The following ASMTL variants were observed in gnomAD, a reference collection of about 807,000 sequenced individuals.
ASMTL encodes the protein acetylserotonin O-methyltransferase like.
A neutral mutation model predicts 60.3 loss-of-function variants in ASMTL; 57 were observed. The ratio of observed to expected loss-of-function variants is 0.95; its 90% CI spans 0.76 to 1.18. The LOEUF is 1.18. Among genes scored for constraint, ASMTL ranks in the 50% most tolerant of loss-of-function variants. The pLI is 0.00. For missense variants in ASMTL, 981 were observed against 852.6 expected (o/e 1.15, Z -1.88); for synonymous variants, 419 against 373.0 (o/e 1.12, Z -1.42).
At chrX:1,418,412 CTG>C (rs1211857794) in intron 10 of ASMTL, among the ~76,000 whole-genome samples, 3 of 151,420 alleles carry the variant, frequency 2.0e-5, no homozygotes, top group East Asian at 3.9e-4. Context: ...AGCAGCCACT[CTG>C]GGCCACGTGT....
At chrX:1,417,896 C>T in intron 11 of ASMTL, 77 bp downstream of exon 11, 7 of 1,519,412 alleles carry the variant, frequency 4.6e-6, no homozygotes, top group Non-Finnish European at 6.2e-6. Flanking sequence ...CAGGTGCACA[C>T]ACAGCCATGC....
At chrX:1,437,753 C>T (rs1455701660) in intron 3 of ASMTL, among the ~76,000 whole-genome samples, 2 of 150,844 alleles carry the variant, frequency 1.3e-5, no homozygotes, top group Non-Finnish European at 3.0e-5. Flanking sequence ...AAAAATTAGC[C>T]ACACGTGGTC....
At chrX:1,425,476 A>C (rs1301846635) in intron 8 of ASMTL, 49 bp downstream of exon 8, 1 of 1,589,664 alleles carries the variant, frequency 6.3e-7, no homozygotes, top group Non-Finnish European at 8.6e-7. Flanking sequence ...TCCCTCAGTG[A>C]CTTCCACCTG....
Position 1,441,926 on chromosome X carries a change from TATC to T in ASMTL, c.225+257_225+259del, listed in dbSNP as rs2091118477. 5 of 471,804 alleles carry T rather than the reference TATC, an allele frequency of 1.1e-5. No homozygotes were observed. The Admixed American group carries it at 1.1e-4, about 11-fold the overall frequency. 29.2% of individuals were successfully genotyped at this position (471,804 alleles called of 1,614,324 possible). A position where few individuals can be genotyped will look rare whatever the true frequency, so the allele number is the denominator to read the frequency against. On this transcript the variant is annotated intron_variant, in intron 2 of 12. Coordinates refer to ENST00000381317, the MANE Select transcript of ASMTL (RefSeq NM_004192.4). ...TAACAGATAAGCTACATTAATTGTA[TATC>T]ATCAATGATACTGTATCAATTGCAA...
chrX:1,430,197 T>C (rs1199613098), intron 6 of ASMTL, among the ~76,000 whole-genome samples: 1 of 151,984 alleles, frequency 6.6e-6, no homozygotes, highest in East Asian at 1.9e-4. Context: ...GTATTTTTAG[T>C]AGAGATTGGG....
rs1295261646 is a variant in ASMTL at position 1,452,658 on chromosome X, C to A, written c.93+90G>T. 6.0e-5 allele frequency: 65 copies of A among 1,086,742 alleles called. No homozygotes were observed. The African/African-American group carries it at 7.7e-4, about 13-fold the overall frequency. The allele number at this position is 1,086,742 out of a possible 1,614,324, so 67.3% of individuals were successfully genotyped here. The stretch of plus-strand genomic sequence containing the variant: ...TAAGGGTCTCGGGTCACTCTCCCAT[C>A]CCTATCCCTAGAGTTCCTGAGTCGC... On this transcript the variant is annotated intron_variant, in intron 1 of 12. Coordinates refer to ENST00000381317, the MANE Select transcript of ASMTL (RefSeq NM_004192.4).
At chrX:1,424,827 C>T (rs2090570936) in intron 8 of ASMTL, among the ~76,000 whole-genome samples, 1 of 145,080 alleles carries the variant, frequency 6.9e-6, no homozygotes, top group Non-Finnish European at 1.5e-5. Flanking sequence ...TTTATCCATC[C>T]ACCTCTCCAT....
At chrX:1,411,459 C>T (rs1219816259) in intron 12 of ASMTL, among the ~76,000 whole-genome samples, 1 of 152,196 alleles carries the variant, frequency 6.6e-6, no homozygotes. Context: ...CAATATGCAG[C>T]CCTGGCCCGA....
intron 6 of ASMTL, among the ~76,000 whole-genome samples, chrX:1,430,400 G>A (rs1312299244): frequency 6.6e-6 from 1 of 151,774 alleles, no homozygotes; most frequent in African/African-American, 2.4e-5. Context: ...TCTTCTGCCG[G>A]GCTTATTTCA....
chrX:1,412,880 G>C (rs763011240), intron 11 of ASMTL, 26 bp from the exon 12 acceptor site: 1 of 1,613,248 alleles, frequency 6.2e-7, no homozygotes, highest in East Asian at 2.2e-5. Flanking sequence ...AACGAGATAC[G>C]TCCGTCAGGT....
chrX:1,435,617 C>G (rs1404303363), intron 4 of ASMTL, 77 bp downstream of exon 4: 8 of 1,441,604 alleles, frequency 5.5e-6, no homozygotes, highest in African/African-American at 1.4e-5. Flanking sequence ...CCCTGCTCCC[C>G]AGGACACCCG....
intron 7 of ASMTL, among the ~76,000 whole-genome samples, chrX:1,426,645 G>A (rs1236200223): frequency 1.3e-5 from 2 of 152,146 alleles, no homozygotes; most frequent in African/African-American, 2.4e-5. Flanking sequence ...CTGAGGTCAG[G>A]AGTTCGAGAC....
intron 1 of ASMTL, among the ~76,000 whole-genome samples, chrX:1,447,065 T>C (rs1240846982): frequency 2.6e-5 from 4 of 152,180 alleles, no homozygotes; most frequent in African/African-American, 9.7e-5. Flanking sequence ...CCCTGTGAAC[T>C]AAAAGCTAGA....
At chrX:1,438,377 G>A (rs2091026423) in intron 3 of ASMTL, among the ~76,000 whole-genome samples, 1 of 152,198 alleles carries the variant, frequency 6.6e-6, no homozygotes, top group Non-Finnish European at 1.5e-5. Context: ...ACAGGGCCAT[G>A]AGCCAAAGGA....
intron 11 of ASMTL, chrX:1,413,163 G>T: frequency 2.7e-6 from 1 of 365,698 alleles, no homozygotes; most frequent in Non-Finnish European, 5.2e-6. Context: ...AGGAGTTCGA[G>T]ACCAGCCTGG....
intron 1 of ASMTL, among the ~76,000 whole-genome samples, chrX:1,444,578 C>T (rs1407443700): frequency 2.6e-5 from 4 of 152,132 alleles, no homozygotes; most frequent in Admixed American, 1.3e-4. Flanking sequence ...ACAGGTGTTA[C>T]GGACAGAGGC....
At position 1,419,558 on chromosome X, in the gene ASMTL, T is replaced by A. The variant is rs184903987; in HGVS notation, c.1246-444A>T. 9.4e-4 allele frequency among the ~76,000 whole-genome samples: 142 copies of A among 150,976 alleles called. 1 individual carries two copies. The highest frequency in any genetic ancestry group is 8.6e-3 in the Admixed American group (131 of 15,200). ...GAGGGGGCTCCTCCGAGAATTCTGG[T>A]GTGCAGAGGAGAAGCTCCTCCGAGC... On this transcript the variant is annotated intron_variant, in intron 9 of 12. Transcript: ENST00000381317.
intron 2 of ASMTL, among the ~76,000 whole-genome samples, chrX:1,440,085 CTTTCT>C (rs1422454693): frequency 1.5e-4 from 22 of 149,728 alleles, no homozygotes; most frequent in East Asian, 2.0e-4. Context: ...GTATTTCTTT[CTTTCT>C]TTTTTTTTTT....
Position 1,432,362 on chromosome X carries a change from G to T in ASMTL, c.416C>A (p.Thr139Asn). 1 of 1,612,878 alleles carries T rather than the reference G, an allele frequency of 6.2e-7. No individual in the cohort carries two copies. The highest frequency in any genetic ancestry group is 1.1e-5 in the South Asian group (1 of 90,952). ...HCSSKDHQLD[T>N]RVSEFYEETK... is the part of the protein sequence containing the mutation. The stretch of plus-strand genomic sequence containing the variant: ...TTCCTCGTAGAATTCCGAGACCCTG[G>T]TGTCCAGCTGATGGTCTGCAAGGAC... The change falls in exon 6 of 13, where the codon ACC becomes AAC. Residue 139 changes from threonine (T) to asparagine (N), a missense_variant. Thr to Asn is a moderately conservative substitution (Grantham distance 65). Coordinates refer to ENST00000381317, the MANE Select transcript of ASMTL (RefSeq NM_004192.4).
Sources: allele counts gnomAD v4.1 joint callset (sites outside exome capture counted in the v4.1 genomes callset), GRCh38; gene constraint gnomAD v4.1.1; transcripts MANE v1.5; gene names NCBI Gene and HGNC (gene_info 2026-07-23, HGNC 2026-07-21).